The following HHAT variants were observed in gnomAD, a reference collection of about 807,000 sequenced individuals.
The protein encoded by HHAT is protein-cysteine N-palmitoyltransferase HHAT.
HHAT carries 47 observed loss-of-function variants against 70.8 expected under a neutral mutation model. That is an observed-to-expected ratio of 0.66 (90% confidence interval 0.53 to 0.85). The LOEUF (loss-of-function observed/expected upper bound fraction) is 0.85. Ranked by LOEUF, HHAT falls within the 40% of genes least tolerant of loss-of-function variation. The pLI, the probability that HHAT is intolerant of heterozygous loss-of-function variation, is 0.00. For synonymous variants in HHAT, 228 were observed against 247.6 expected (o/e 0.92, Z 0.74); for missense variants, 609 against 604.8 (o/e 1.01, Z -0.07).
At chr1:210,584,823 A>T (rs758350444) in intron 9 of HHAT, among the ~76,000 whole-genome samples, 5 of 152,162 alleles carry the variant, frequency 3.3e-5, no homozygotes, top group Non-Finnish European at 7.3e-5. Flanking sequence ...ATTGTTTGCT[A>T]TTGTTTCACA....
At chr1:210,616,079 A>G (rs1215896688) in intron 10 of HHAT, among the ~76,000 whole-genome samples, 1 of 152,232 alleles carries the variant, frequency 6.6e-6, no homozygotes, top group Non-Finnish European at 1.5e-5. Context: ...AAATTTTTAA[A>G]TGACACACAA....
intron 10 of HHAT, among the ~76,000 whole-genome samples, chr1:210,613,894 C>T (rs1667106768): frequency 6.6e-6 from 1 of 151,926 alleles, no homozygotes; most frequent in Admixed American, 6.6e-5. Flanking sequence ...ATTAGCCACA[C>T]CTGTGGTCCC....
chr1:210,431,342 C>G (rs1022944652), intron 7 of HHAT, among the ~76,000 whole-genome samples: 2 of 151,762 alleles, frequency 1.3e-5, no homozygotes, highest in Non-Finnish European at 2.9e-5. Flanking sequence ...AAGCCTAGGT[C>G]TTTGCAGCCT....
intron 9 of HHAT, among the ~76,000 whole-genome samples, chr1:210,560,412 T>G (rs944867778): frequency 6.6e-6 from 1 of 152,062 alleles, no homozygotes; most frequent in South Asian, 2.1e-4. Context: ...TAATGGGAAG[T>G]TATTCCCTGA....
At chr1:210,594,160 A>G (rs1662388273) in intron 10 of HHAT, among the ~76,000 whole-genome samples, 1 of 152,050 alleles carries the variant, frequency 6.6e-6, no homozygotes, top group South Asian at 2.1e-4. Flanking sequence ...GTCTATTTAC[A>G]TTCAATGTTA....
chr1:210,442,678 G>A (rs1404488203), intron 7 of HHAT, among the ~76,000 whole-genome samples: 1 of 152,176 alleles, frequency 6.6e-6, no homozygotes, highest in Non-Finnish European at 1.5e-5. Context: ...CATGTCCTTT[G>A]CCCACTTTTT....
At chr1:210,626,136 C>G (rs1253882692) in intron 11 of HHAT, among the ~76,000 whole-genome samples, 4 of 152,138 alleles carry the variant, frequency 2.6e-5, no homozygotes, top group Admixed American at 6.6e-5. Context: ...CACAATTAAC[C>G]ACGGAGCTGT....
chr1:210,427,186 T>C (rs1213920427), intron 7 of HHAT, among the ~76,000 whole-genome samples: 2 of 152,172 alleles, frequency 1.3e-5, no homozygotes, highest in African/African-American at 4.8e-5. Context: ...ATCCCCCTTG[T>C]TTCTTATTGT....
intron 9 of HHAT, among the ~76,000 whole-genome samples, chr1:210,516,047 G>A (rs564816895): frequency 3.5e-4 from 53 of 151,834 alleles, no homozygotes; most frequent in Non-Finnish European, 6.5e-4. Flanking sequence ...TCCAGCCTGG[G>A]TGACAGAGTA....
At chr1:210,468,802 G>C (rs747827823) in intron 8 of HHAT, among the ~76,000 whole-genome samples, 18 of 152,148 alleles carry the variant, frequency 1.2e-4, no homozygotes, top group Non-Finnish European at 2.4e-4. Flanking sequence ...TGGGTAGAAG[G>C]CTGGAATAGG....
intron 10 of HHAT, among the ~76,000 whole-genome samples, chr1:210,597,890 CAGA>C (rs1558243591): frequency 2.0e-5 from 3 of 151,720 alleles, no homozygotes; most frequent in Non-Finnish European, 1.5e-5. Flanking sequence ...TTTTTTCAAG[CAGA>C]AGGAGTTCCC....
At chr1:210,540,183 TA>T (rs1217429294) in intron 9 of HHAT, among the ~76,000 whole-genome samples, 15 of 152,070 alleles carry the variant, frequency 9.9e-5, no homozygotes, top group Admixed American at 7.9e-4. Flanking sequence ...TGGATGAAAC[TA>T]AAAAGTAAAG....
At chr1:210,533,962 A>AC (rs1380517729) in intron 9 of HHAT, among the ~76,000 whole-genome samples, 2 of 152,162 alleles carry the variant, frequency 1.3e-5, no homozygotes, top group Admixed American at 1.3e-4. Flanking sequence ...GGGTCCCCAA[A>AC]CTCACTGTGG....
rs369398593 is a variant in HHAT at position 210,374,764 on chromosome 1, T to C, written c.159+11845T>C. 9.0e-5 allele frequency among the ~76,000 whole-genome samples: 5 copies of C among 55,360 alleles called. No individual in the cohort carries two copies. The East Asian group carries it at 1.3e-3, about 15-fold the overall frequency. The allele number at this position is 55,360 out of a possible 152,430, so 36.3% of individuals were successfully genotyped here. A position where few individuals can be genotyped will look rare whatever the true frequency, so the allele number is the denominator to read the frequency against. On this transcript the variant is annotated intron_variant, in intron 3 of 11. Transcript: ENST00000261458. The stretch of plus-strand genomic sequence containing the variant: ...TACCGAGCTTCCCCAGTGGGGAATC[T>C]TTTTTTTTTTTTTTTTAATCCCTTA...
At chr1:210,418,126 C>A in intron 6 of HHAT, 28 bp from the exon 7 acceptor site, 1 of 1,611,850 alleles carries the variant, frequency 6.2e-7, no homozygotes, top group South Asian at 1.1e-5. Context: ...AAGGCACCAT[C>A]GAATGACCTC....
chr1:210,380,873 G>A (rs1052397502), intron 3 of HHAT, among the ~76,000 whole-genome samples: 3 of 152,104 alleles, frequency 2.0e-5, no homozygotes, highest in African/African-American at 7.2e-5. Context: ...TAGGTACGAC[G>A]ATGGAAGGGT....
chr1:210,609,687 A>G (rs1666207386), intron 10 of HHAT, among the ~76,000 whole-genome samples: 1 of 152,028 alleles, frequency 6.6e-6, no homozygotes, highest in Admixed American at 6.6e-5. Flanking sequence ...AACAGGCCCC[A>G]ATGTGTGTTG....
intron 10 of HHAT, among the ~76,000 whole-genome samples, chr1:210,605,626 C>A (rs1665235780): frequency 6.6e-6 from 1 of 152,150 alleles, no homozygotes; most frequent in Non-Finnish European, 1.5e-5. Context: ...TCATTATTCC[C>A]ATTTTACCAG....
intron 7 of HHAT, among the ~76,000 whole-genome samples, chr1:210,448,922 C>T (rs1293568014): frequency 6.6e-6 from 1 of 152,130 alleles, no homozygotes; most frequent in African/African-American, 2.4e-5. Flanking sequence ...CCGCTTCTGT[C>T]CCTCACCTCA....
Sources: allele counts gnomAD v4.1 joint callset (sites outside exome capture counted in the v4.1 genomes callset), GRCh38; gene constraint gnomAD v4.1.1; transcripts MANE v1.5; gene names NCBI Gene and HGNC (gene_info 2026-07-23, HGNC 2026-07-21).